WDR7: variants seen among roughly 807,000 people sequenced by gnomAD.
WDR7 encodes WD repeat-containing protein 7.
A neutral mutation model predicts 169.4 loss-of-function variants in WDR7; 46 were observed. The ratio of observed to expected loss-of-function variants is 0.27; its 90% CI spans 0.21 to 0.35. The LOEUF is 0.35. Among genes scored for constraint, WDR7 ranks in the 10% least tolerant of loss-of-function variants. The pLI, the probability that WDR7 is intolerant of heterozygous loss-of-function variation, is 1.00. For synonymous variants in WDR7, 612 were observed against 666.8 expected (o/e 0.92, Z 1.27); for missense variants, 1,534 against 1,859.3 (o/e 0.83, Z 3.22).
intron 16 of WDR7, among the ~76,000 whole-genome samples, chr18:56,767,040 G>C (rs1202475278): frequency 6.6e-6 from 1 of 152,132 alleles, no homozygotes; most frequent in Non-Finnish European, 1.5e-5. Context: ...ATGTCATGTG[G>C]AAACAGTTTC....
At chr18:56,746,776 A>G (rs978631325) in intron 14 of WDR7, among the ~76,000 whole-genome samples, 2 of 152,060 alleles carry the variant, frequency 1.3e-5, no homozygotes, top group African/African-American at 2.4e-5. Context: ...GAGTTTCTCA[A>G]CCTCAACACT....
chr18:56,768,708 T>C (rs1011471948), intron 16 of WDR7, among the ~76,000 whole-genome samples: 2 of 152,228 alleles, frequency 1.3e-5, no homozygotes, highest in Non-Finnish European at 2.9e-5. Context: ...TTTCCTCTTA[T>C]GTTTTTTATT....
intron 9 of WDR7, among the ~76,000 whole-genome samples, chr18:56,694,077 T>TGTCCAGGGCCGGTCTCTGACTC (rs1274859688): frequency 6.6e-6 from 1 of 151,990 alleles, no homozygotes; most frequent in Non-Finnish European, 1.5e-5. Flanking sequence ...TTCGCTTAGT[T>TGTCCAGGGCCGGTCTCTGACTC]GTCCAGGGCC....
intron 22 of WDR7, among the ~76,000 whole-genome samples, chr18:56,924,652 A>G (rs889803942): frequency 3.3e-5 from 5 of 152,198 alleles, no homozygotes; most frequent in African/African-American, 1.2e-4. Context: ...TAGGTGGGAA[A>G]CACACGTGGT....
chr18:56,672,506 C>T lies in WDR7; in HGVS notation c.-10C>T. ...TTTATAACATTTTCAGGTTTGAAAA[C>T]ACAAACACAATGGCAGGAAACAGCC... On this transcript the variant is annotated 5_prime_UTR_variant, in exon 2 of 28. Coordinates refer to ENST00000254442, the MANE Select transcript of WDR7 (RefSeq NM_015285.3). The T allele has an allele frequency of 1.3e-6, 2 of 1,523,318 alleles. No homozygotes were observed. The highest frequency in any genetic ancestry group is 1.4e-5 in the South Asian group (1 of 73,108). The allele number at this position is 1,523,318 out of a possible 1,614,324, so 94.4% of individuals were successfully genotyped here.
At chr18:56,880,883 T>G (rs2046096956) in intron 21 of WDR7, among the ~76,000 whole-genome samples, 1 of 152,228 alleles carries the variant, frequency 6.6e-6, no homozygotes, top group Admixed American at 6.5e-5. Context: ...TCAGAATTCC[T>G]TTCAGTAAGG....
chr18:56,897,519 C>T (rs1568254473), intron 21 of WDR7, among the ~76,000 whole-genome samples: 4 of 150,192 alleles, frequency 2.7e-5, no homozygotes, highest in African/African-American at 7.3e-5. Flanking sequence ...GGGAATGAAA[C>T]CACACAACTC....
At chr18:56,700,643 C>T (rs1247044744) in intron 12 of WDR7, among the ~76,000 whole-genome samples, 1 of 146,476 alleles carries the variant, frequency 6.8e-6, no homozygotes, top group East Asian at 2.0e-4. Flanking sequence ...GATCTCGGCT[C>T]ACTGCAAGCT....
intron 25 of WDR7, among the ~76,000 whole-genome samples, chr18:56,946,930 A>G (rs1441138413): frequency 6.6e-6 from 1 of 152,232 alleles, no homozygotes; most frequent in Non-Finnish European, 1.5e-5. Context: ...ATCACACACT[A>G]TTAACTAGCT....
At chr18:57,022,251 G>A (rs959218745) in intron 27 of WDR7, among the ~76,000 whole-genome samples, 3 of 152,222 alleles carry the variant, frequency 2.0e-5, no homozygotes, top group South Asian at 2.1e-4. Context: ...GCCGCCACTC[G>A]TGTCTAACTC....
At chr18:56,841,601 A>C (rs1166660716) in intron 20 of WDR7, among the ~76,000 whole-genome samples, 1 of 152,024 alleles carries the variant, frequency 6.6e-6, no homozygotes, top group Non-Finnish European at 1.5e-5. Context: ...CGTAATGTAG[A>C]TTGATGGGCC....
chr18:57,015,439 AG>A (rs1410047639), intron 26 of WDR7, among the ~76,000 whole-genome samples: 1 of 152,188 alleles, frequency 6.6e-6, no homozygotes, highest in Non-Finnish European at 1.5e-5. Context: ...GGAGAAAAGA[AG>A]GGGGATTTTT....
chr18:56,940,982 C>T (rs1020985592), intron 25 of WDR7, among the ~76,000 whole-genome samples: 12 of 152,070 alleles, frequency 7.9e-5, no homozygotes, highest in South Asian at 4.1e-4. Flanking sequence ...GCTAAGGAGG[C>T]GTGTGTCTTA....
intron 26 of WDR7, among the ~76,000 whole-genome samples, chr18:56,990,005 T>C (rs2047787102): frequency 6.6e-6 from 1 of 152,220 alleles, no homozygotes; most frequent in Non-Finnish European, 1.5e-5. Flanking sequence ...AGTGGAAAGT[T>C]AACACTTCTT....
chr18:56,944,359 G>C (rs1375362280), intron 25 of WDR7, among the ~76,000 whole-genome samples: 1 of 152,024 alleles, frequency 6.6e-6, no homozygotes, highest in Non-Finnish European at 1.5e-5. Context: ...CTTTAACGTG[G>C]TAATTTCTCT....
intron 20 of WDR7, among the ~76,000 whole-genome samples, chr18:56,836,476 CG>C (rs2045398617): frequency 6.6e-6 from 1 of 152,168 alleles, no homozygotes; most frequent in South Asian, 2.1e-4. Flanking sequence ...AGATCAAAGA[CG>C]TTTTTAATTT....
intron 26 of WDR7, among the ~76,000 whole-genome samples, chr18:56,987,865 A>C (rs1430401934): frequency 6.6e-6 from 1 of 152,224 alleles, no homozygotes; most frequent in African/African-American, 2.4e-5. Flanking sequence ...GTCATGCATA[A>C]GCTGGATATC....
At chr18:56,766,576 G>A (rs538097214) in intron 16 of WDR7, among the ~76,000 whole-genome samples, 1 of 151,858 alleles carries the variant, frequency 6.6e-6, no homozygotes, top group South Asian at 2.1e-4. Flanking sequence ...TTTTTATAGA[G>A]ACAGTGTCTC....
intron 26 of WDR7, among the ~76,000 whole-genome samples, chr18:57,020,146 T>G (rs1432635106): frequency 6.6e-6 from 1 of 152,248 alleles, no homozygotes; most frequent in Admixed American, 6.5e-5. Flanking sequence ...TAACTTGTTT[T>G]TAATGGTATT....
Sources: allele counts gnomAD v4.1 joint callset (sites outside exome capture counted in the v4.1 genomes callset), GRCh38; gene constraint gnomAD v4.1.1; transcripts MANE v1.5; gene names NCBI Gene and HGNC (gene_info 2026-07-23, HGNC 2026-07-21).